Variants in LMF1 observed in about 807,000 individuals in gnomAD.
LMF1 encodes the protein transmembrane protein 112.
LMF1 carries 68 observed loss-of-function variants against 60.6 expected under a neutral mutation model. That is an observed-to-expected ratio of 1.12 (90% CI 0.92 to 1.37). LMF1 has a LOEUF of 1.37. Ranked by LOEUF, LMF1 falls within the 40% of genes most tolerant of loss-of-function variation. The pLI is 0.00. For missense variants in LMF1, 948 were observed against 767.2 expected, an observed-to-expected ratio of 1.24 and a Z score of -2.78; for synonymous variants, 418 against 324.7, an observed-to-expected ratio of 1.29 and a Z score of -3.09.
chr16:887,444 G>C (rs1403873609), intron 5 of LMF1, among the ~76,000 whole-genome samples: 3 of 152,216 alleles, frequency 2.0e-5, no homozygotes, highest in Non-Finnish European at 4.4e-5. Flanking sequence ...GGAGTGTTGG[G>C]GCACACGCGG....
At chr16:867,583 G>A (rs2069646887) in intron 10 of LMF1, among the ~76,000 whole-genome samples, 1 of 152,212 alleles carries the variant, frequency 6.6e-6, no homozygotes, top group Non-Finnish European at 1.5e-5. Context: ...CGGGCTCCAA[G>A]GTCTCAGGCT....
intron 10 of LMF1, among the ~76,000 whole-genome samples, chr16:859,529 G>GC (rs2069364547): frequency 1.9e-5 from 1 of 53,488 alleles, no homozygotes; most frequent in Non-Finnish European, 3.4e-5. Flanking sequence ...GGACGGGTGT[G>GC]AGTGGTGTCT....
At chr16:968,669 T>C (rs1213196701) in intron 1 of LMF1, 1 of 152,194 alleles carries the variant, frequency 6.6e-6, no homozygotes, top group Non-Finnish European at 1.5e-5. Flanking sequence ...CCAAATGTAC[T>C]CACAAGACAG....
At chr16:863,545 T>C (rs2069529932) in intron 10 of LMF1, among the ~76,000 whole-genome samples, 1 of 152,284 alleles carries the variant, frequency 6.6e-6, no homozygotes, top group African/African-American at 2.4e-5. Context: ...TCTCTTTGTT[T>C]CAATAAGTTT....
chr16:931,476 C>A (rs1206462856), intron 3 of LMF1, among the ~76,000 whole-genome samples: 1 of 152,266 alleles, frequency 6.6e-6, no homozygotes, highest in Non-Finnish European at 1.5e-5. Context: ...CACAGACGCA[C>A]ACGCGGCTCG....
chr16:954,309 G>A (rs1210102340), intron 2 of LMF1, 48 bp downstream of exon 2: 4 of 1,564,130 alleles, frequency 2.6e-6, no homozygotes, highest in Non-Finnish European at 3.5e-6. Context: ...TGCCTGTGCT[G>A]AGTGACAGCA....
At chr16:950,664 A>C (rs576295634) in intron 2 of LMF1, among the ~76,000 whole-genome samples, 1 of 136,636 alleles carries the variant, frequency 7.3e-6, no homozygotes, top group East Asian at 2.4e-4. Context: ...CAACGACAGA[A>C]TCAGAGACAA....
rs145692005 is a variant in LMF1 at position 877,391 on chromosome 16, G to A, written c.897+2179C>T. Among the ~76,000 whole-genome samples the A allele has an allele frequency of 5.9e-3, 904 of 152,308 alleles. 5 individuals are homozygous for A. The highest frequency in any genetic ancestry group is 0.014 in the Admixed American group (221 of 15,302). On this transcript the variant is annotated intron_variant, in intron 6 of 10. Transcript: ENST00000262301. ...GGTGATCAGTCACAGAGACCCTGGC[G>A]GCGCAGGTGGCCTCATGCAGGAGCA...
At position 874,419 on chromosome 16, in the gene LMF1, A is replaced by G. The variant is rs1373010561; in HGVS notation, c.898-3078T>C. On this transcript the variant is annotated intron_variant, in intron 6 of 10. Coordinates refer to ENST00000262301, the MANE Select transcript of LMF1 (RefSeq NM_022773.4). This position sits in a 1 kb window ranked among gnomAD's most constrained non-coding sequence, Gnocchi z 4.1. ...CCTCAGAGGTTCCAGACCTGAGCTC[A>G]CCCCCTGCCCCTCCCGCCCTGGCAG... 6.6e-6 allele frequency among the ~76,000 whole-genome samples: 1 copy of G among 151,870 alleles called. No homozygotes were observed. The highest frequency in any genetic ancestry group is 1.5e-5 in the Non-Finnish European group (1 of 67,948).
At chr16:934,852 C>A (rs1014752155) in intron 2 of LMF1, among the ~76,000 whole-genome samples, 17 of 152,146 alleles carry the variant, frequency 1.1e-4, no homozygotes, top group Admixed American at 7.9e-4. Context: ...CAGCCTCTGA[C>A]CTCTCTAACC....
At chr16:911,879 T>G (rs2071132498) in intron 3 of LMF1, among the ~76,000 whole-genome samples, 1 of 151,874 alleles carries the variant, frequency 6.6e-6, no homozygotes, top group Admixed American at 6.6e-5. Flanking sequence ...AGGCAGCAGC[T>G]CCGCCACTGG....
chr16:954,155 T>G (rs1597069849), intron 2 of LMF1: 2 of 696,014 alleles, frequency 2.9e-6, no homozygotes, highest in Non-Finnish European at 5.2e-6. Flanking sequence ...TGCAAAGAGG[T>G]GGGGTTTTAA....
At chr16:933,807 G>T (rs1396624230) in intron 3 of LMF1, 1 of 457,260 alleles carries the variant, frequency 2.2e-6, no homozygotes, top group Non-Finnish European at 3.7e-6. Context: ...ACTGCGTTGT[G>T]TGGGATGGGG....
chr16:979,376 C>T (rs2073272358), intron 1 of LMF1: 12 of 353,414 alleles, frequency 3.4e-5, no homozygotes, highest in South Asian at 2.5e-4. Context: ...GGCCTAGGCC[C>T]CCACCACCCC....
In LMF1 at chr16:854,422, T is replaced by G; in HGVS notation, c.*110A>C. Reference sequence around the variant, plus strand: ...TGCTGGGGGCTGGGTCCCACCGCTCTCCTCTCCACGTCTCTCTTGGCGATG... The same window carrying G: ...TGCTGGGGGCTGGGTCCCACCGCTCGCCTCTCCACGTCTCTCTTGGCGATG... On this transcript the variant is annotated 3_prime_UTR_variant, in exon 11 of 11. Transcript: ENST00000262301. 8.9e-7 allele frequency: 1 copy of G among 1,125,496 alleles called. No individual in the cohort carries two copies. Among genetic ancestry groups the G allele is most frequent in the Non-Finnish European group, 1.3e-6 (1 of 779,848 alleles). The allele number at this position is 1,125,496 out of a possible 1,614,324, so 69.7% of individuals were successfully genotyped here. A position where few individuals can be genotyped will look rare whatever the true frequency, so the allele number is the denominator to read the frequency against.
intron 2 of LMF1, among the ~76,000 whole-genome samples, chr16:952,878 C>T (rs368310970): frequency 2.6e-4 from 35 of 136,820 alleles, no homozygotes; most frequent in South Asian, 4.8e-4. Flanking sequence ...GCCTCCTACA[C>T]ATCCACACAG....
intron 1 of LMF1, chr16:977,032 G>A (rs760315482): frequency 2.2e-6 from 1 of 454,196 alleles, no homozygotes; most frequent in Non-Finnish European, 4.4e-6. Context: ...CGTCTGGGCT[G>A]CAGGCAGACG....
At chr16:928,981 G>A (rs557358986) in intron 3 of LMF1, among the ~76,000 whole-genome samples, 12 of 152,306 alleles carry the variant, frequency 7.9e-5, no homozygotes, top group African/African-American at 2.6e-4. Context: ...CCCAGGAGCT[G>A]AGCCAGAGGA....
chr16:912,936 GGCTCTCCA>G (rs1266032913), intron 3 of LMF1, among the ~76,000 whole-genome samples: 1 of 152,224 alleles, frequency 6.6e-6, no homozygotes, highest in Non-Finnish European at 1.5e-5. Context: ...TCAGGGCCAG[GGCTCTCCA>G]GACAGCTCTC....
Sources: allele counts gnomAD v4.1 joint callset (sites outside exome capture counted in the v4.1 genomes callset), GRCh38; gene constraint gnomAD v4.1.1; non-coding constraint Gnocchi (gnomAD v3.1); transcripts MANE v1.5; gene names NCBI Gene and HGNC (gene_info 2026-07-23, HGNC 2026-07-21).